The following CNTN5 variants were observed in gnomAD, a reference collection of about 807,000 sequenced individuals.
The protein encoded by CNTN5 is contactin 5.
CNTN5 carries 77 observed loss-of-function variants against 129.1 expected under a neutral mutation model. The ratio of observed to expected loss-of-function variants is 0.60; its 90% CI spans 0.50 to 0.72. CNTN5 has a LOEUF of 0.72. CNTN5 is among the 30% of genes least tolerant of loss of function. The pLI, the probability that CNTN5 is intolerant of heterozygous loss-of-function variation, is 0.00. For synonymous variants in CNTN5, 509 were observed against 465.6 expected (o/e 1.09, Z -1.20); for missense variants, 1,478 against 1,328.8 (o/e 1.11, Z -1.75).
At chr11:99,271,528 A>G (rs1348348609) in intron 1 of CNTN5, among the ~76,000 whole-genome samples, 1 of 151,890 alleles carries the variant, frequency 6.6e-6, no homozygotes, top group Non-Finnish European at 1.5e-5. Context: ...TCCAAAATTC[A>G]TAGCCTAAAG....
intron 1 of CNTN5, among the ~76,000 whole-genome samples, chr11:99,031,804 T>C (rs1396295008): frequency 6.6e-6 from 1 of 151,860 alleles, no homozygotes; most frequent in Non-Finnish European, 1.5e-5. Context: ...TTAGGGTACA[T>C]GTGCACAATG....
At position 99,845,156 on chromosome 11, in the gene CNTN5, C is replaced by A; in HGVS notation, c.471C>A (p.Phe157Leu). 1.9e-6 allele frequency: 3 copies of A among 1,613,704 alleles called. No homozygotes were observed. Among genetic ancestry groups the A allele is most frequent in the Non-Finnish European group, 2.5e-6 (3 of 1,179,818 alleles). Residue 157 changes from phenylalanine to leucine, a missense_variant, in exon 6 of 25, where the codon TTC becomes TTA. Phe to Leu is a conservative substitution (Grantham distance 22). Coordinates refer to ENST00000524871, the MANE Select transcript of CNTN5 (RefSeq NM_014361.4). ...GCTACAGTTTGATAGATGGCACCTT[C>A]ATTATAAGCAATCCAAGTGAAGCAA... ...DYRYSLIDGT[F>L]IISNPSEAKD...
rs1039649077 is a variant in CNTN5 at position 99,845,237 on chromosome 11, T to C, written c.552T>C (p.Ser184=). 2.5e-6 allele frequency: 4 copies of C among 1,612,572 alleles called. No homozygotes were observed. In the African/African-American group the frequency reaches 5.3e-5, roughly 22 times the overall value. ...CCAACACTGTGGGGAGTATTCTTAG[T>C]AGAGAAGCTACACTGCAGTTTGCCT... ...LATNTVGSIL[S]REATLQFAYL... The change falls in exon 6 of 25, where the codon AGT becomes AGC. Residue 184 remains serine (S), a synonymous_variant. Coordinates refer to ENST00000524871, the MANE Select transcript of CNTN5 (RefSeq NM_014361.4).
At chr11:99,898,193 A>G (rs377723662) in intron 6 of CNTN5, among the ~76,000 whole-genome samples, 3 of 152,154 alleles carry the variant, frequency 2.0e-5, no homozygotes, top group South Asian at 2.1e-4. Context: ...TCAAACCTAA[A>G]TGTAGCAGAA....
chr11:100,067,830 C>G (rs948116736), intron 10 of CNTN5, among the ~76,000 whole-genome samples: 5 of 140,618 alleles, frequency 3.6e-5, no homozygotes, highest in Non-Finnish European at 7.6e-5. Context: ...ATAATGGTAT[C>G]CAAAAAAAAA....
At chr11:99,653,022 A>T (rs1366743536) in intron 3 of CNTN5, among the ~76,000 whole-genome samples, 1 of 152,022 alleles carries the variant, frequency 6.6e-6, no homozygotes, top group Non-Finnish European at 1.5e-5. Context: ...CTTCAAAAGG[A>T]TAAGGATGAG....
chr11:99,266,795 T>C (rs1862921017), intron 1 of CNTN5, among the ~76,000 whole-genome samples: 1 of 151,928 alleles, frequency 6.6e-6, no homozygotes, highest in African/African-American at 2.4e-5. Context: ...GAACAAATAA[T>C]GAGGAACAAG....
At chr11:99,033,219 T>C (rs1177056215) in intron 1 of CNTN5, among the ~76,000 whole-genome samples, 1 of 151,522 alleles carries the variant, frequency 6.6e-6, no homozygotes, top group African/African-American at 2.4e-5. Flanking sequence ...CCAGCTTTGT[T>C]CTTTTGGCTT....
intron 2 of CNTN5, among the ~76,000 whole-genome samples, chr11:99,416,245 T>C (rs1199737287): frequency 6.6e-6 from 1 of 152,170 alleles, no homozygotes; most frequent in African/African-American, 2.4e-5. Flanking sequence ...TTTCAACATA[T>C]ATTATCTAAA....
intron 3 of CNTN5, among the ~76,000 whole-genome samples, chr11:99,806,337 AAATG>A (rs1459981109): frequency 1.3e-5 from 2 of 152,198 alleles, no homozygotes; most frequent in Non-Finnish European, 2.9e-5. Context: ...CTAAAAAAAT[AAATG>A]AAGTGTGTCA....
At chr11:99,952,585 G>T (rs183324457) in intron 7 of CNTN5, among the ~76,000 whole-genome samples, 1 of 152,004 alleles carries the variant, frequency 6.6e-6, no homozygotes, top group Admixed American at 6.6e-5. Context: ...AGGCTGGAGC[G>T]CAGTGGCACA....
intron 7 of CNTN5, among the ~76,000 whole-genome samples, chr11:99,933,654 G>C (rs1394739528): frequency 6.6e-6 from 1 of 152,178 alleles, no homozygotes; most frequent in Non-Finnish European, 1.5e-5. Flanking sequence ...GAGGCAGTTA[G>C]TTGGGTTTTT....
At chr11:99,551,160 G>A (rs1417387406) in intron 2 of CNTN5, among the ~76,000 whole-genome samples, 1 of 152,124 alleles carries the variant, frequency 6.6e-6, no homozygotes, top group Non-Finnish European at 1.5e-5. Flanking sequence ...TTCCTGTGAT[G>A]CTGAGTTAAA....
intron 1 of CNTN5, among the ~76,000 whole-genome samples, chr11:99,051,637 T>A (rs889591217): frequency 2.6e-5 from 4 of 151,906 alleles, no homozygotes; most frequent in African/African-American, 7.2e-5. Flanking sequence ...AACCATTACA[T>A]AAGAAGTAAA....
At chr11:99,255,107 A>G (rs1221852657) in intron 1 of CNTN5, among the ~76,000 whole-genome samples, 1 of 151,978 alleles carries the variant, frequency 6.6e-6, no homozygotes, top group Non-Finnish European at 1.5e-5. Flanking sequence ...TATATATTAT[A>G]CTTAGCAACA....
intron 3 of CNTN5, among the ~76,000 whole-genome samples, chr11:99,610,901 C>T (rs760302591): frequency 8.5e-5 from 13 of 152,190 alleles, no homozygotes; most frequent in South Asian, 6.2e-4. Flanking sequence ...ATAAGCAGCG[C>T]TATGTGCTTA....
intron 8 of CNTN5, among the ~76,000 whole-genome samples, chr11:99,998,957 A>G (rs1565772988): frequency 6.6e-6 from 1 of 151,908 alleles, no homozygotes; most frequent in Non-Finnish European, 1.5e-5. Context: ...AGCCATATGT[A>G]GAAAGCTGAA....
At chr11:99,492,253 A>T (rs1392896103) in intron 2 of CNTN5, among the ~76,000 whole-genome samples, 1 of 152,134 alleles carries the variant, frequency 6.6e-6, no homozygotes, top group Non-Finnish European at 1.5e-5. Flanking sequence ...CTGTAAGTTG[A>T]TGCTCTCTGG....
intron 8 of CNTN5, among the ~76,000 whole-genome samples, chr11:99,991,652 T>C (rs1939105685): frequency 6.6e-6 from 1 of 152,212 alleles, no homozygotes; most frequent in Non-Finnish European, 1.5e-5. Flanking sequence ...CCTCTATCTG[T>C]ATTGACTTAA....
Sources: gnomAD v4.1 joint callset for allele counts (sites outside exome capture counted in the v4.1 genomes callset) on GRCh38, gnomAD v4.1.1 for gene constraint, MANE v1.5 for transcripts, NCBI Gene and HGNC (gene_info 2026-07-23, HGNC 2026-07-21) for gene names.